Variants in ASPM observed in about 807,000 individuals in gnomAD.
The protein encoded by ASPM is assembly factor for spindle microtubules, also known as abnormal spindle-like microcephaly-associated protein.
ASPM carries 256 observed loss-of-function variants against 366.4 expected under a neutral mutation model. The ratio of observed to expected loss-of-function variants is 0.70; its 90% CI spans 0.63 to 0.77. The LOEUF (loss-of-function observed/expected upper bound fraction) is 0.77. Among genes scored for constraint, ASPM ranks in the 30% least tolerant of loss-of-function variants. The pLI, the probability that ASPM is intolerant of heterozygous loss-of-function variation, is 0.00. For missense variants in ASPM, 4,146 were observed against 4,090.4 expected (o/e 1.01, Z -0.37); for synonymous variants, 1,414 against 1,342.9 (o/e 1.05, Z -1.16).
intron 25 of ASPM, among the ~76,000 whole-genome samples, chr1:197,089,446 A>G (rs927023099): frequency 6.6e-6 from 1 of 152,052 alleles, no homozygotes; most frequent in African/African-American, 2.4e-5. Context: ...TGGTAATACT[A>G]TTTTGATATA....
intron 5 of ASPM, among the ~76,000 whole-genome samples, chr1:197,134,830 G>A (rs1658368379): frequency 6.6e-6 from 1 of 152,220 alleles, no homozygotes; most frequent in South Asian, 2.1e-4. Flanking sequence ...TATGCCCAAA[G>A]TGGGCAGGCC....
chr1:197,115,088 G>T (rs147909034), intron 17 of ASPM, among the ~76,000 whole-genome samples: 39 of 151,710 alleles, frequency 2.6e-4, no homozygotes, highest in African/African-American at 9.4e-4. Context: ...TTGTTGCCCA[G>T]GCTGATCTCG....
chr1:197,108,486 G>T (rs1657480881), intron 17 of ASPM, among the ~76,000 whole-genome samples: 1 of 151,868 alleles, frequency 6.6e-6, no homozygotes, highest in Admixed American at 6.6e-5. Flanking sequence ...GAAAAGAGAA[G>T]ATACAAATTA....
Position 197,100,761 on chromosome 1 carries a change from T to C in ASPM, c.8490A>G (p.Thr2830=). ...CACATTTCTGTGTTTCCAGTTTTCTTGTGACCATTCTACAAAAAGCTTTTT... is the reference window on the plus strand; with the variant it reads ...CACATTTCTGTGTTTCCAGTTTTCTCGTGACCATTCTACAAAAAGCTTTTT... ...TIQKAFCRMV[T]RKLETQKCAA... is the part of the protein sequence containing the mutation. Residue 2830 remains threonine, a synonymous_variant, in exon 18 of 28, where the codon ACA becomes ACG. Coordinates refer to ENST00000367409, the MANE Select transcript of ASPM (RefSeq NM_018136.5). 6.2e-7 allele frequency: 1 copy of C among 1,612,512 alleles called. No individual in the cohort carries two copies. Among genetic ancestry groups the C allele is most frequent in the Non-Finnish European group, 8.5e-7 (1 of 1,179,116 alleles).
chr1:197,143,040 C>T lies in ASPM; in HGVS notation c.1212G>A (p.Met404Ile). The change falls in exon 3 of 28, where the codon ATG (methionine) becomes ATA (isoleucine). Residue 404 changes from methionine to isoleucine, a missense_variant. Transcript: ENST00000367409. ...NQFLKDNMAY[M>I]CTSQQTCKVP... is the part of the protein sequence containing the mutation. Reference sequence around the variant, plus strand: ...CTTTACATGTTTGCTGAGATGTACACATATATGCCATGTTATCTTTTAAAA... The same window carrying T: ...CTTTACATGTTTGCTGAGATGTACATATATATGCCATGTTATCTTTTAAAA... 1 of 1,612,760 alleles carries T rather than the reference C, an allele frequency of 6.2e-7. No individual in the cohort carries two copies. The highest frequency in any genetic ancestry group is 1.1e-5 in the South Asian group (1 of 91,062).
intron 17 of ASPM, among the ~76,000 whole-genome samples, chr1:197,108,594 C>A (rs1235732549): frequency 6.6e-6 from 1 of 152,054 alleles, no homozygotes; most frequent in African/African-American, 2.4e-5. Flanking sequence ...GTAAATTCAA[C>A]AACTTGGATG....
At chr1:197,127,081 TTTCTC>T (rs1251478381) in intron 10 of ASPM, among the ~76,000 whole-genome samples, 2 of 152,314 alleles carry the variant, frequency 1.3e-5, no homozygotes, top group East Asian at 3.9e-4. Context: ...GCCCCAGAGT[TTTCTC>T]TTCTGTTCTA....
At chr1:197,132,049 A>G (rs1225694488) in intron 7 of ASPM, among the ~76,000 whole-genome samples, 1 of 152,200 alleles carries the variant, frequency 6.6e-6, no homozygotes. Context: ...ATGTTTAAAG[A>G]GACTGTACAG....
chr1:197,110,324 G>GT (rs1312885726), intron 17 of ASPM, among the ~76,000 whole-genome samples: 2 of 151,940 alleles, frequency 1.3e-5, no homozygotes, highest in Non-Finnish European at 2.9e-5. Context: ...GGAAAGAATA[G>GT]TTTTTTACAG....
intron 27 of ASPM, among the ~76,000 whole-genome samples, chr1:197,086,505 A>G (rs1291941194): frequency 1.3e-5 from 2 of 152,202 alleles, no homozygotes; most frequent in Non-Finnish European, 2.9e-5. Flanking sequence ...TCTTTCATGC[A>G]AAATAAAATA....
Position 197,142,769 on chromosome 1 carries a change from CAG to C in ASPM, c.1481_1482del (p.Ser494CysfsTer5), listed in dbSNP as rs1658632400. On this transcript the variant is annotated frameshift_variant, in exon 3 of 28. Coordinates refer to ENST00000367409, the MANE Select transcript of ASPM (RefSeq NM_018136.5). LOFTEE classifies it high-confidence loss of function. ...GTGGCCTTCCTTTTAGTAACAGTGGCAGAAAGTATTGGACGTCTCTTAGGTTG... is the reference window on the plus strand; with the variant it reads ...GTGGCCTTCCTTTTAGTAACAGTGGCAAAGTATTGGACGTCTCTTAGGTTG... Reference protein sequence around the residue: ...NKQPKRRPILSATVTKRKATC... With the variant: ...NKQPKRRPILXATVTKRKATC... 1.9e-6 allele frequency: 3 copies of C among 1,613,666 alleles called. No homozygotes were observed. Among genetic ancestry groups the C allele is most frequent in the Non-Finnish European group, 2.5e-6 (3 of 1,179,636 alleles).
Position 197,146,379 on chromosome 1 carries a change from G to A in ASPM, c.59C>T (p.Pro20Leu), listed in dbSNP as rs587783252. The change falls in exon 1 of 28, where the codon CCG (proline) becomes CTG (leucine). Residue 20 changes from proline (P) to leucine (L), a missense_variant. Transcript: ENST00000367409. ...CGCGGGGCCCCGCAGCCCCGCGGGC[G>A]GCCTCCGCTCGGTCGGGCTCACTTC... ...CWEVSPTERR[P>L]PAGLRGPAAE... The A allele has an allele frequency of 5.0e-6, 8 of 1,608,178 alleles. No homozygotes were observed. The African/African-American group carries it at 6.7e-5, about 13-fold the overall frequency.
rs558780196 is a variant in ASPM at position 197,125,747 on chromosome 1, T to A, written c.2937-556A>T. ...TTCCACAGTAATTCCTATATATATA[T>A]AAAAATATATGTATATATACACGCA... is the stretch of plus-strand genomic sequence containing the variant. On this transcript the variant is annotated intron_variant, in intron 10 of 27. Coordinates refer to ENST00000367409, the MANE Select transcript of ASPM (RefSeq NM_018136.5). Among the ~76,000 whole-genome samples, 29 of 151,968 alleles carry A rather than the reference T, an allele frequency of 1.9e-4. 1 individual carries two copies. In the South Asian group the frequency reaches 6.0e-3, roughly 32 times the overall value.
rs544943311 is a variant in ASPM, at chr1:197,110,878, C to T, written c.4066-5693G>A. ...GGGAAAGGATATGCTATTCAATAAA[C>T]GGTCAGTGCAGAAGATTAAAATTGG... On this transcript the variant is annotated intron_variant, in intron 17 of 27. Coordinates refer to ENST00000367409, the MANE Select transcript of ASPM (RefSeq NM_018136.5). Among the ~76,000 whole-genome samples, 13 of 151,776 alleles carry T rather than the reference C, an allele frequency of 8.6e-5. 1 individual carries two copies. In the East Asian group the frequency reaches 1.6e-3, roughly 18 times the overall value.
chr1:197,104,622 T>C lies in ASPM; in HGVS notation c.4629A>G (p.Gln1543=). The change falls in exon 18 of 28, where the codon CAA becomes CAG. Residue 1543 remains glutamine (Q), a synonymous_variant. Coordinates refer to ENST00000367409, the MANE Select transcript of ASPM (RefSeq NM_018136.5). The part of the protein sequence containing the change: ...NYLQKRAAAI[Q]LQAAFRRLKA... ...TCAGTCTCCTAAAAGCAGCTTGTAATTGAATGGCTGCAGCTCGTTTCTGCA... is the reference window on the plus strand; with the variant it reads ...TCAGTCTCCTAAAAGCAGCTTGTAACTGAATGGCTGCAGCTCGTTTCTGCA... The C allele has an allele frequency of 2.3e-5, 37 of 1,613,042 alleles. No individual in the cohort carries two copies. The highest frequency in any genetic ancestry group is 2.8e-5 in the Non-Finnish European group (33 of 1,179,402).
rs1374855736 is a variant in ASPM at position 197,124,120 on chromosome 1, T to C, written c.3380A>G (p.Tyr1127Cys). The change falls in exon 13 of 28, where the codon TAT (tyrosine) becomes TGT (cysteine). Residue 1127 changes from tyrosine (Y) to cysteine (C), a missense_variant. Transcript: ENST00000367409. ...MDWVNAVCAFYNKKVENFTVS... is the reference protein window; with the variant it reads ...MDWVNAVCAFCNKKVENFTVS... Reference sequence around the variant, plus strand: ...AACAAAGAAACTTACCTTTTTATTATAGAAGGCACAAACAGCATTTACCCA... The same window carrying C: ...AACAAAGAAACTTACCTTTTTATTACAGAAGGCACAAACAGCATTTACCCA... 7 of 1,608,452 alleles carry C rather than the reference T, an allele frequency of 4.4e-6. No homozygotes were observed. Among genetic ancestry groups the C allele is most frequent in the East Asian group, 2.2e-5 (1 of 44,676 alleles).
intron 19 of ASPM, among the ~76,000 whole-genome samples, chr1:197,095,456 A>T (rs958626721): frequency 2.0e-5 from 1 of 49,334 alleles, no homozygotes; most frequent in Non-Finnish European, 5.3e-5. Context: ...TATGAACTTA[A>T]AAAAAGATGA....
chr1:197,122,626 C>A (rs375657127), intron 13 of ASPM, 31 bp from the exon 14 acceptor site: 2 of 1,536,544 alleles, frequency 1.3e-6, no homozygotes, highest in South Asian at 1.2e-5. Context: ...AACAATTAAC[C>A]GCATTTAGAA....
intron 4 of ASPM, among the ~76,000 whole-genome samples, chr1:197,136,268 C>A (rs566975003): frequency 6.6e-6 from 1 of 152,150 alleles, no homozygotes; most frequent in South Asian, 2.1e-4. Context: ...AATAAATGAA[C>A]TCTAGGCAGT....
Sources: allele counts gnomAD v4.1 joint callset (sites outside exome capture counted in the v4.1 genomes callset), GRCh38; gene constraint gnomAD v4.1.1; transcripts MANE v1.5; gene names NCBI Gene and HGNC (gene_info 2026-07-23, HGNC 2026-07-21).